The following DNAH14 variants were observed in gnomAD, a reference collection of about 807,000 sequenced individuals.
The protein encoded by DNAH14 is axonemal beta dynein heavy chain 14.
A neutral mutation model predicts 520.9 loss-of-function variants in DNAH14; 478 were observed. That is an observed-to-expected ratio of 0.92 (90% confidence interval 0.85 to 0.99). DNAH14 has a LOEUF of 0.99. DNAH14 is among the 50% of genes least tolerant of loss of function. The pLI is 0.00. For synonymous variants in DNAH14, 1,581 were observed against 1,757.2 expected (o/e 0.90, Z 2.51); for missense variants, 4,831 against 5,234.5 (o/e 0.92, Z 2.38).
intron 7 of DNAH14, among the ~76,000 whole-genome samples, chr1:224,972,426 C>A (rs568446719): frequency 6.6e-6 from 1 of 151,256 alleles, no homozygotes; most frequent in South Asian, 2.1e-4. Flanking sequence ...GCCTCAGCCT[C>A]CCAAGTAGCT....
At chr1:225,210,092 G>A (rs1448056971) in intron 41 of DNAH14, among the ~76,000 whole-genome samples, 1 of 151,644 alleles carries the variant, frequency 6.6e-6, no homozygotes, top group Non-Finnish European at 1.5e-5. Flanking sequence ...CAGACACCGA[G>A]CTAGCTGCAG....
intron 76 of DNAH14, among the ~76,000 whole-genome samples, chr1:225,366,108 G>C (rs961226211): frequency 6.6e-6 from 1 of 152,084 alleles, no homozygotes; most frequent in African/African-American, 2.4e-5. Context: ...TCAGCCTCTA[G>C]ATATCAGAAA....
intron 64 of DNAH14, among the ~76,000 whole-genome samples, chr1:225,326,581 A>C (rs2094675851): frequency 6.6e-6 from 1 of 152,160 alleles, no homozygotes. Flanking sequence ...CCTGTGTAGT[A>C]TATACCACTG....
Position 225,305,022 on chromosome 1 carries a change from TACTTGCAATTTATGGAA to T in DNAH14, c.8941_8957del (p.Leu2981IlefsTer69). 1 of 1,545,838 alleles carries T rather than the reference TACTTGCAATTTATGGAA, an allele frequency of 6.5e-7. No individual in the cohort carries two copies. The highest frequency in any genetic ancestry group is 1.2e-5 in the South Asian group (1 of 81,590). On this transcript the variant is annotated frameshift_variant, in exon 58 of 86. Coordinates refer to ENST00000682510, the MANE Select transcript of DNAH14 (RefSeq NM_001367479.1). LOFTEE classifies it high-confidence loss of function. ...ATTTTATTATACCACTCCCAATAGCTACTTGCAATTTATGGAAACATTTGCACACATTTTGAGGGCAC... is the reference window on the plus strand; with the variant it reads ...ATTTTATTATACCACTCCCAATAGCTACATTTGCACACATTTTGAGGGCAC...
intron 31 of DNAH14, among the ~76,000 whole-genome samples, chr1:225,151,082 T>C (rs2080458751): frequency 6.6e-6 from 1 of 152,236 alleles, no homozygotes; most frequent in Non-Finnish European, 1.5e-5. Context: ...TCTGAATTAA[T>C]GTGCTTTTAT....
chr1:225,219,787 A>T (rs1172019781), intron 41 of DNAH14, among the ~76,000 whole-genome samples: 1 of 152,072 alleles, frequency 6.6e-6, no homozygotes, highest in Non-Finnish European at 1.5e-5. Context: ...GAAAATAGGG[A>T]CTCCTCTATA....
intron 22 of DNAH14, among the ~76,000 whole-genome samples, chr1:225,098,565 T>G (rs1468285090): frequency 5.3e-5 from 8 of 152,218 alleles, no homozygotes; most frequent in Non-Finnish European, 1.0e-4. Flanking sequence ...AAAAGGGAAC[T>G]GTTTAAATTT....
chr1:224,958,171 G>T (rs1456815371), intron 3 of DNAH14, among the ~76,000 whole-genome samples: 1 of 152,100 alleles, frequency 6.6e-6, no homozygotes, highest in Non-Finnish European at 1.5e-5. Flanking sequence ...TAGGCTTTGA[G>T]ATCATTTAGA....
chr1:225,267,586 G>A lies in DNAH14; in HGVS notation c.7539+817G>A, dbSNP rs143364117. On this transcript the variant is annotated intron_variant, in intron 49 of 85. Coordinates refer to ENST00000682510, the MANE Select transcript of DNAH14 (RefSeq NM_001367479.1). ...ATTACAGGCGTGAGCCACCATGCCC[G>A]GCCAGAATGGCTTACTTTTTAAACA... Among the ~76,000 whole-genome samples, 729 of 152,048 alleles carry A rather than the reference G, an allele frequency of 4.8e-3. 10 individuals carry two copies. The highest frequency in any genetic ancestry group is 0.041 in the South Asian group (199 of 4,810).
chr1:225,161,979 A>G (rs564358883), intron 35 of DNAH14, among the ~76,000 whole-genome samples: 52 of 152,216 alleles, frequency 3.4e-4, no homozygotes, highest in Admixed American at 7.2e-4. Context: ...TGTTGATTGC[A>G]TCCTTTGCTG....
intron 66 of DNAH14, among the ~76,000 whole-genome samples, chr1:225,336,598 G>A (rs1177459544): frequency 6.6e-6 from 1 of 152,174 alleles, no homozygotes; most frequent in Non-Finnish European, 1.5e-5. Context: ...TGAACAACAT[G>A]AGCAACAAAT....
intron 17 of DNAH14, among the ~76,000 whole-genome samples, chr1:225,057,597 G>A (rs2069312250): frequency 6.6e-6 from 1 of 152,134 alleles, no homozygotes; most frequent in South Asian, 2.1e-4. Flanking sequence ...GGGCATCCCT[G>A]TCTTGTGCCA....
At chr1:225,073,671 G>GTTGTTGTTTGTTTTTGTTT (rs2071834756) in intron 17 of DNAH14, among the ~76,000 whole-genome samples, 1 of 151,944 alleles carries the variant, frequency 6.6e-6, no homozygotes, top group Admixed American at 6.6e-5. Flanking sequence ...TTTTGTTGTT[G>GTTGTTGTTTGTTTTTGTTT]TTGTTGTTTG....
At chr1:225,382,660 A>G (rs1036645252) in intron 81 of DNAH14, among the ~76,000 whole-genome samples, 7 of 151,786 alleles carry the variant, frequency 4.6e-5, no homozygotes, top group African/African-American at 1.7e-4. Flanking sequence ...GTTGCAGTGA[A>G]CTGAGATCAT....
intron 37 of DNAH14, 142 bp from the exon 38 acceptor site, chr1:225,192,554 C>T (rs2085583928): frequency 1.8e-6 from 1 of 559,724 alleles, no homozygotes; most frequent in Non-Finnish European, 3.1e-6. Flanking sequence ...ATTTACTGTT[C>T]CTTGCAACTT....
At chr1:225,384,490 TA>T (rs1425803517) in intron 81 of DNAH14, among the ~76,000 whole-genome samples, 1 of 151,198 alleles carries the variant, frequency 6.6e-6, no homozygotes, top group Non-Finnish European at 1.5e-5. Flanking sequence ...TCAAGACTAA[TA>T]AAAAAGAAAA....
At chr1:225,036,328 G>T (rs2066958030) in intron 11 of DNAH14, among the ~76,000 whole-genome samples, 1 of 151,984 alleles carries the variant, frequency 6.6e-6, no homozygotes, top group South Asian at 2.1e-4. Context: ...GTAGGCATGG[G>T]GTTTCACTAT....
intron 21 of DNAH14, among the ~76,000 whole-genome samples, chr1:225,089,859 C>A (rs2074218556): frequency 6.6e-6 from 1 of 152,084 alleles, no homozygotes; most frequent in South Asian, 2.1e-4. Context: ...AACATTTTGT[C>A]CTTAATAGTG....
At chr1:225,387,433 C>T (rs764651009) in intron 81 of DNAH14, among the ~76,000 whole-genome samples, 8 of 151,998 alleles carry the variant, frequency 5.3e-5, no homozygotes, top group Admixed American at 1.3e-4. Flanking sequence ...GACAAGAGCA[C>T]GGGCTGCAAA....
Sources: allele counts gnomAD v4.1 joint callset (sites outside exome capture counted in the v4.1 genomes callset), GRCh38; gene constraint gnomAD v4.1.1; transcripts MANE v1.5; gene names NCBI Gene and HGNC (gene_info 2026-07-23, HGNC 2026-07-21).